The following WDR17 variants were observed in gnomAD, a reference collection of about 807,000 sequenced individuals.
WDR17 encodes WD repeat domain 17.
A neutral mutation model predicts 161.7 loss-of-function variants in WDR17; 143 were observed. The observed-to-expected ratio is 0.88, with a 90% CI of 0.77 to 1.02. The LOEUF is 1.02. Among genes scored for constraint, WDR17 ranks in the 50% least tolerant of loss-of-function variants. The pLI is 0.00. For missense variants in WDR17, 1,469 were observed against 1,520.9 expected (o/e 0.97, Z 0.57); for synonymous variants, 517 against 515.6 (o/e 1.00, Z -0.04).
intron 1 of WDR17, among the ~76,000 whole-genome samples, chr4:176,085,341 A>C (rs1484475553): frequency 6.6e-6 from 1 of 152,082 alleles, no homozygotes; most frequent in African/African-American, 2.4e-5. Context: ...AGATATAAAG[A>C]AGTGAGAAGT....
At chr4:176,092,189 A>T (rs1019511690) in intron 1 of WDR17, among the ~76,000 whole-genome samples, 1 of 152,214 alleles carries the variant, frequency 6.6e-6, no homozygotes. Flanking sequence ...ATTGATGCAA[A>T]AATATTCAGC....
rs386357678 is a variant in WDR17, at chr4:176,074,810, CTTTTTTTT to C, written c.-7+8746_-7+8753del. ...TGGGCATGCGGGATTTTTTTTAATG[CTTTTTTTT>C]TTTTTTTTTTTTTTGCTGTTCTTGC... On this transcript the variant is annotated intron_variant, in intron 1 of 28. Transcript: ENST00000508596. Among the ~76,000 whole-genome samples, 10 of 79,180 alleles carry C rather than the reference CTTTTTTTT, an allele frequency of 1.3e-4. 1 individual carries two copies. The South Asian group carries it at 5.7e-3, about 45-fold the overall frequency. 51.9% of individuals were successfully genotyped at this position (79,180 alleles called of 152,430 possible).
chr4:176,152,953 T>G (rs935103797), intron 17 of WDR17, among the ~76,000 whole-genome samples: 63 of 151,564 alleles, frequency 4.2e-4, no homozygotes, highest in Admixed American at 7.9e-4. Context: ...AAAAGGAAGC[T>G]TATTTTTTTA....
At chr4:176,114,770 T>C (rs1443136957) in intron 2 of WDR17, among the ~76,000 whole-genome samples, 1 of 151,822 alleles carries the variant, frequency 6.6e-6, no homozygotes, top group African/African-American at 2.4e-5. Context: ...TGAATTAAGA[T>C]AGCATGGTCC....
chr4:176,173,802 A>G (rs1181396991), intron 25 of WDR17, among the ~76,000 whole-genome samples: 1 of 151,868 alleles, frequency 6.6e-6, no homozygotes, highest in Non-Finnish European at 1.5e-5. Context: ...GGCATGAGCC[A>G]CTGCGCCTGG....
chr4:176,139,852 G>T (rs760388197), intron 9 of WDR17, 40 bp from the exon 10 acceptor site: 9 of 1,500,354 alleles, frequency 6.0e-6, no homozygotes, highest in South Asian at 1.2e-5. Context: ...AAAAAGGGGT[G>T]AATTATTTCT....
intron 17 of WDR17, among the ~76,000 whole-genome samples, chr4:176,153,807 C>A (rs1747621262): frequency 6.6e-6 from 1 of 152,126 alleles, no homozygotes; most frequent in Non-Finnish European, 1.5e-5. Flanking sequence ...TGAATTACTG[C>A]TTGACCCCAA....
At chr4:176,128,091 A>T (rs28452510) in intron 5 of WDR17, among the ~76,000 whole-genome samples, 37,599 of 151,986 alleles carry the variant, frequency 0.25, 4,784 homozygotes, top group South Asian at 0.28. Flanking sequence ...CTTTTTGCTG[A>T]TATAGATAAT....
intron 4 of WDR17, among the ~76,000 whole-genome samples, chr4:176,121,524 A>C (rs1449762919): frequency 1.3e-5 from 2 of 152,118 alleles, no homozygotes; most frequent in African/African-American, 2.4e-5. Flanking sequence ...GGATTGTGAC[A>C]CTTTCTTTTC....
intron 4 of WDR17, among the ~76,000 whole-genome samples, 191 bp downstream of exon 4, chr4:176,120,288 T>TATATATATATATA (rs1174111501): frequency 2.1e-4 from 29 of 136,530 alleles, no homozygotes; most frequent in African/African-American, 7.7e-4. Context: ...ATTTGAAGTT[T>TATATATATATATA]TATATATATA....
intron 25 of WDR17, among the ~76,000 whole-genome samples, chr4:176,173,728 G>C (rs1484030786): frequency 6.6e-6 from 1 of 151,928 alleles, no homozygotes; most frequent in Non-Finnish European, 1.5e-5. Flanking sequence ...TGTTGGCCAG[G>C]ATGGTCTCGA....
At chr4:176,090,051 A>C (rs1043102186) in intron 1 of WDR17, among the ~76,000 whole-genome samples, 1 of 152,024 alleles carries the variant, frequency 6.6e-6, no homozygotes, top group African/African-American at 2.4e-5. Context: ...ACTTTTGCTT[A>C]TGGAGGATAT....
intron 8 of WDR17, among the ~76,000 whole-genome samples, chr4:176,136,618 A>G (rs1579154134): frequency 6.6e-6 from 1 of 151,576 alleles, no homozygotes; most frequent in Admixed American, 6.6e-5. Flanking sequence ...AGTGGGGATG[A>G]TATTTAAAAG....
intron 1 of WDR17, among the ~76,000 whole-genome samples, chr4:176,075,621 T>A (rs1317178501): frequency 6.6e-6 from 1 of 152,188 alleles, no homozygotes; most frequent in Non-Finnish European, 1.5e-5. Flanking sequence ...GAGGAATACA[T>A]GTGTAAATTG....
intron 7 of WDR17, among the ~76,000 whole-genome samples, chr4:176,133,755 T>C (rs941636265): frequency 1.3e-5 from 2 of 151,568 alleles, no homozygotes; most frequent in African/African-American, 2.4e-5. Context: ...AAAATATTAT[T>C]AATATTTTTT....
At chr4:176,074,951 T>C (rs1733780176) in intron 1 of WDR17, among the ~76,000 whole-genome samples, 1 of 151,496 alleles carries the variant, frequency 6.6e-6, no homozygotes, top group Non-Finnish European at 1.5e-5. Context: ...TCCCCAAATT[T>C]TACCATCTAG....
chr4:176,177,043 T>A lies in WDR17; in HGVS notation c.3450-15T>A, dbSNP rs753870841. Reference sequence around the variant, plus strand: ...TTTTTGGTATCAGATGTTAATTTCCTTTTCACACGTTCAGTCAGCTATTAA... The same window carrying A: ...TTTTTGGTATCAGATGTTAATTTCCATTTCACACGTTCAGTCAGCTATTAA... On this transcript the variant is annotated splice_polypyrimidine_tract_variant and intron_variant, in intron 26 of 28. Transcript: ENST00000508596. The A allele has an allele frequency of 1.3e-6, 2 of 1,599,352 alleles. No individual in the cohort carries two copies. The highest frequency in any genetic ancestry group is 1.7e-6 in the Non-Finnish European group (2 of 1,168,246).
intron 18 of WDR17, among the ~76,000 whole-genome samples, chr4:176,158,655 C>T (rs1042845802): frequency 6.6e-6 from 1 of 152,086 alleles, no homozygotes; most frequent in Non-Finnish European, 1.5e-5. Flanking sequence ...TTAGTAAGAG[C>T]TGTTTTGGTA....
At chr4:176,098,352 T>TGGTTCTAGAATGGTTCTAGAATG (rs1737232191) in intron 1 of WDR17, 2 of 152,066 alleles carry the variant, frequency 1.3e-5, no homozygotes, top group African/African-American at 4.8e-5. Flanking sequence ...CACATATTAA[T>TGGTTCTAGAATGGTTCTAGAATG]GAAACATTCT....
Sources: allele counts gnomAD v4.1 joint callset (sites outside exome capture counted in the v4.1 genomes callset), GRCh38; gene constraint gnomAD v4.1.1; transcripts MANE v1.5; gene names NCBI Gene and HGNC (gene_info 2026-07-23, HGNC 2026-07-21).